Variants in WASHC5 observed in about 807,000 individuals in gnomAD.
The protein encoded by WASHC5 is WASH complex subunit 5, also known as WASH complex subunit strumpellin.
Under a neutral mutation model 150.4 loss-of-function variants are expected in WASHC5, and 101 were observed. The observed-to-expected ratio is 0.67, with a 90% CI of 0.57 to 0.79. WASHC5 has a LOEUF of 0.79. WASHC5 is among the 30% of genes least tolerant of loss of function. The pLI, the probability that WASHC5 is intolerant of heterozygous loss-of-function variation, is 0.00. For synonymous variants in WASHC5, 467 were observed against 491.2 expected (o/e 0.95, Z 0.65); for missense variants, 1,195 against 1,396.3 (o/e 0.86, Z 2.30).
chr8:125,073,932 C>A (rs1284673692), intron 8 of WASHC5, among the ~76,000 whole-genome samples: 23 of 152,180 alleles, frequency 1.5e-4, no homozygotes, highest in Admixed American at 1.5e-3. Flanking sequence ...ATTGCTTGTT[C>A]TTGCTAATAC....
At chr8:125,045,411 G>C (rs536616627) in intron 20 of WASHC5, among the ~76,000 whole-genome samples, 87 of 152,194 alleles carry the variant, frequency 5.7e-4, no homozygotes, top group African/African-American at 1.9e-3. Flanking sequence ...GGCTCTCATA[G>C]GTCTGACCAC....
chr8:125,075,140 A>T (rs372079289), intron 7 of WASHC5, 29 bp from the exon 8 acceptor site: 333 of 1,343,504 alleles, frequency 2.5e-4, no homozygotes, highest in Middle Eastern at 7.2e-4. Context: ...AGAATTTGTT[A>T]AATTCCTACT....
chr8:125,068,718 T>C (rs1816819504), intron 9 of WASHC5, among the ~76,000 whole-genome samples: 1 of 152,164 alleles, frequency 6.6e-6, no homozygotes, highest in African/African-American at 2.4e-5. Flanking sequence ...ATCCTGCTTC[T>C]TGTAGAGGCC....
At chr8:125,034,254 C>T (rs1489327974) in intron 26 of WASHC5, among the ~76,000 whole-genome samples, 1 of 152,086 alleles carries the variant, frequency 6.6e-6, no homozygotes, top group Non-Finnish European at 1.5e-5. Context: ...AATCTTGGCA[C>T]TTTGGGAGGC....
At chr8:125,046,853 G>A (rs2130034462) in intron 20 of WASHC5, among the ~76,000 whole-genome samples, 1 of 152,254 alleles carries the variant, frequency 6.6e-6, no homozygotes, top group South Asian at 2.1e-4. Context: ...CAAAGTTCAC[G>A]CTCCTATGAG....
chr8:125,074,507 A>G (rs1455159514), intron 8 of WASHC5, among the ~76,000 whole-genome samples: 1 of 152,198 alleles, frequency 6.6e-6, no homozygotes, highest in Non-Finnish European at 1.5e-5. Context: ...GTGTAAGAAC[A>G]AAAGAGATAG....
Position 125,043,921 on chromosome 8 carries a change from T to G in WASHC5, c.2771-17A>C. On this transcript the variant is annotated splice_polypyrimidine_tract_variant and intron_variant, in intron 22 of 28. Transcript: ENST00000318410. ...TTGAATTTGCTGAAAAGTTAAAACA[T>G]AATTTTCTCTTTAGTACATTCGTAA... 6.2e-7 allele frequency: 1 copy of G among 1,605,050 alleles called. No homozygotes were observed. Among genetic ancestry groups the G allele is most frequent in the South Asian group, 1.1e-5 (1 of 90,850 alleles).
Position 125,044,648 on chromosome 8 carries a change from T to C in WASHC5, c.2555A>G (p.His852Arg), listed in dbSNP as rs1309204196. ...QLNTWYDMKT[H>R]QEVTSSRLFS... ...GAGGCGGCTGCTGGTCACTTCCTGA[T>C]GAGTTTTCATATCATACCAAGTGTT... The change falls in exon 21 of 29, where the codon CAT becomes CGT. Residue 852 changes from histidine (H) to arginine (R), a missense_variant. Physicochemically the swap from His to Arg is conservative, Grantham distance 29. Transcript: ENST00000318410. 1.2e-6 allele frequency: 2 copies of C among 1,614,128 alleles called. No individual in the cohort carries two copies. Among genetic ancestry groups the C allele is most frequent in the East Asian group, 2.2e-5 (1 of 44,878 alleles).
chr8:125,069,475 A>G (rs1189291420), intron 9 of WASHC5, among the ~76,000 whole-genome samples: 1 of 152,220 alleles, frequency 6.6e-6, no homozygotes, highest in African/African-American at 2.4e-5. Context: ...CTAGTATTAC[A>G]TGTGCCCCCT....
intron 20 of WASHC5, 198 bp from the exon 21 acceptor site, chr8:125,044,896 A>C: frequency 1.6e-6 from 1 of 630,820 alleles, no homozygotes; most frequent in Non-Finnish European, 2.9e-6. Context: ...ATTCAGTCTG[A>C]CCCCCTTTTC....
Position 125,024,276 on chromosome 8 carries a change from AC to A in WASHC5, c.*340del. The A allele has an allele frequency of 2.9e-6, 1 of 348,668 alleles. No individual in the cohort carries two copies. The highest frequency in any genetic ancestry group is 5.4e-6 in the Non-Finnish European group (1 of 184,838). 21.6% of individuals were successfully genotyped at this position (348,668 alleles called of 1,614,324 possible). ...CGAGACGACTTTGGGTACTAGTAAT[AC>A]TATTTTACTGAAAATCTGGAGTTGC... On this transcript the variant is annotated 3_prime_UTR_variant, in exon 29 of 29. Coordinates refer to ENST00000318410, the MANE Select transcript of WASHC5 (RefSeq NM_014846.4).
intron 26 of WASHC5, among the ~76,000 whole-genome samples, chr8:125,036,570 G>A (rs1815713616): frequency 6.6e-6 from 1 of 152,144 alleles, no homozygotes; most frequent in Non-Finnish European, 1.5e-5. Flanking sequence ...CTACTCAGGA[G>A]GCTGAGGTGG....
rs568443428 is a variant in WASHC5 at position 125,039,694 on chromosome 8, A to G, written c.2954+101T>C. On this transcript the variant is annotated intron_variant, in intron 24 of 28. Transcript: ENST00000318410. Reference sequence around the variant, plus strand: ...GGAAGCCTGTAAATTCAGACCTTCCACCCAAAAATAACTTAAAAGAGTAAG... The same window carrying G: ...GGAAGCCTGTAAATTCAGACCTTCCGCCCAAAAATAACTTAAAAGAGTAAG... 1.8e-4 allele frequency: 147 copies of G among 803,202 alleles called. No homozygotes were observed. In the South Asian group the frequency reaches 1.9e-3, roughly 10 times the overall value. 49.8% of individuals were successfully genotyped at this position (803,202 alleles called of 1,614,324 possible). A position where few individuals can be genotyped will look rare whatever the true frequency, so the allele number is the denominator to read the frequency against.
chr8:125,074,325 C>A (rs1307076803), intron 8 of WASHC5, among the ~76,000 whole-genome samples: 2 of 152,148 alleles, frequency 1.3e-5, no homozygotes, highest in African/African-American at 4.8e-5. Flanking sequence ...TTATGGAATT[C>A]AATTTACTTG....
intron 9 of WASHC5, among the ~76,000 whole-genome samples, chr8:125,069,376 CAAAT>C (rs1319468530): frequency 2.0e-5 from 3 of 152,184 alleles, no homozygotes; most frequent in Non-Finnish European, 4.4e-5. Flanking sequence ...TGAACTAAGA[CAAAT>C]AAAGTCAAAA....
chr8:125,049,207 A>G (rs1269601427), intron 18 of WASHC5, 22 bp from the exon 19 acceptor site: 1 of 1,612,844 alleles, frequency 6.2e-7, no homozygotes, highest in East Asian at 2.2e-5. Context: ...GGGAAACATA[A>G]AGCTCTTACA....
At chr8:125,060,967 G>C in intron 12 of WASHC5, 115 bp downstream of exon 12, 1 of 693,038 alleles carries the variant, frequency 1.4e-6, no homozygotes, top group Non-Finnish European at 2.7e-6. Flanking sequence ...AATTCACATC[G>C]CTTTTACTTC....
intron 3 of WASHC5, 61 bp downstream of exon 3, chr8:125,083,052 G>A (rs1817317805): frequency 4.6e-6 from 5 of 1,088,740 alleles, no homozygotes; most frequent in South Asian, 2.6e-5. Flanking sequence ...ACGTTGCTAT[G>A]TGTCCTTTTC....
At chr8:125,089,710 C>T (rs77398046) in intron 1 of WASHC5, among the ~76,000 whole-genome samples, 3,247 of 152,286 alleles carry the variant, frequency 0.021, 115 homozygotes, top group African/African-American at 0.074. Context: ...TGCACACATT[C>T]GGGGAAGCTT....
Sources: gnomAD v4.1 joint callset for allele counts (sites outside exome capture counted in the v4.1 genomes callset) on GRCh38, gnomAD v4.1.1 for gene constraint, MANE v1.5 for transcripts, NCBI Gene and HGNC (gene_info 2026-07-23, HGNC 2026-07-21) for gene names.